Variants in TSHZ2 observed in about 807,000 individuals in gnomAD.
TSHZ2 encodes teashirt zinc finger homeobox 2.
In TSHZ2, 21 loss-of-function variants were observed where a neutral mutation model predicts 74.4. The ratio of observed to expected loss-of-function variants is 0.28; its 90% confidence interval spans 0.20 to 0.41. The LOEUF (loss-of-function observed/expected upper bound fraction) is 0.41, where lower values mean the gene tolerates loss of function less well. Ranked by LOEUF, TSHZ2 falls within the 10% of genes least tolerant of loss-of-function variation. TSHZ2 has a pLI of 1.00. For missense variants in TSHZ2, 1,244 were observed against 1,293.5 expected, an observed-to-expected ratio of 0.96 and a Z score of 0.59; for synonymous variants, 540 against 515.3, an observed-to-expected ratio of 1.05 and a Z score of -0.65.
chr20:53,241,429 A>G (rs759126046), intron 1 of TSHZ2, among the ~76,000 whole-genome samples: 3 of 152,192 alleles, frequency 2.0e-5, no homozygotes, highest in Non-Finnish European at 4.4e-5. Context: ...TAGTTTAGAA[A>G]TGCTAATCCC....
At chr20:53,064,516 C>G (rs545686433) in intron 1 of TSHZ2, among the ~76,000 whole-genome samples, 37 of 152,056 alleles carry the variant, frequency 2.4e-4, no homozygotes, top group Non-Finnish European at 5.0e-4. Context: ...AAGACACACA[C>G]ACACTACTTG....
intron 1 of TSHZ2, among the ~76,000 whole-genome samples, chr20:53,173,690 A>G (rs1600723937): frequency 6.6e-6 from 1 of 150,440 alleles, no homozygotes; most frequent in Non-Finnish European, 1.5e-5. Flanking sequence ...AACAGTCAAC[A>G]GTCTGAACAG....
chr20:53,196,320 G>C (rs2123559430), intron 1 of TSHZ2: 1 of 136,628 alleles, frequency 7.3e-6, no homozygotes, highest in Middle Eastern at 4.7e-3. Flanking sequence ...TGCAAATCTT[G>C]TTCAGGCCAA....
intron 2 of TSHZ2, among the ~76,000 whole-genome samples, chr20:53,437,150 T>C (rs1208484534): frequency 6.6e-6 from 1 of 152,146 alleles, no homozygotes; most frequent in African/African-American, 2.4e-5. Context: ...ATCACGTGTG[T>C]GTTAGGACTA....
At chr20:53,458,879 G>A (rs947675387) in intron 2 of TSHZ2, among the ~76,000 whole-genome samples, 8 of 152,168 alleles carry the variant, frequency 5.3e-5, no homozygotes, top group Admixed American at 2.6e-4. Context: ...GGTTTTGAGT[G>A]AGATTCTTAA....
At chr20:53,481,866 G>A (rs62206388) in intron 2 of TSHZ2, among the ~76,000 whole-genome samples, 18,905 of 152,122 alleles carry the variant, frequency 0.12, 1,582 homozygotes, top group Non-Finnish European at 0.19. Flanking sequence ...CACTTCAGGA[G>A]GCCGAGGTGG....
chr20:53,190,014 G>A (rs1450847373), intron 1 of TSHZ2, among the ~76,000 whole-genome samples: 1 of 141,276 alleles, frequency 7.1e-6, no homozygotes, highest in Admixed American at 7.4e-5. Flanking sequence ...AGCCAGGGCA[G>A]GTTGAGGTTG....
intron 2 of TSHZ2, among the ~76,000 whole-genome samples, chr20:53,305,093 G>A (rs1978472699): frequency 6.6e-6 from 1 of 150,716 alleles, no homozygotes; most frequent in African/African-American, 2.4e-5. Context: ...CCTCCACCAC[G>A]CCTGACTAAT....
chr20:53,266,130 A>G (rs1320173049), intron 2 of TSHZ2, among the ~76,000 whole-genome samples: 1 of 152,182 alleles, frequency 6.6e-6, no homozygotes, highest in African/African-American at 2.4e-5. Context: ...GGGAACACCA[A>G]GGAGAAACAT....
At chr20:53,321,683 C>CA (rs59907513) in intron 2 of TSHZ2, among the ~76,000 whole-genome samples, 31 of 58,298 alleles carry the variant, frequency 5.3e-4, no homozygotes, top group East Asian at 2.7e-3. Context: ...GACTCCATCT[C>CA]AAAAAAAAAA....
At chr20:53,089,812 A>G (rs1404059199) in intron 1 of TSHZ2, among the ~76,000 whole-genome samples, 3 of 152,222 alleles carry the variant, frequency 2.0e-5, no homozygotes, top group Non-Finnish European at 4.4e-5. Flanking sequence ...CCCAGACCCT[A>G]CTGAGGAAGG....
chr20:53,272,620 C>T (rs1990863111), intron 2 of TSHZ2, among the ~76,000 whole-genome samples: 1 of 152,156 alleles, frequency 6.6e-6, no homozygotes, highest in Non-Finnish European at 1.5e-5. Flanking sequence ...AGCACAGTCC[C>T]CAGCATCTAA....
At chr20:53,436,135 TG>T (rs1568916280) in intron 2 of TSHZ2, among the ~76,000 whole-genome samples, 10 of 152,030 alleles carry the variant, frequency 6.6e-5, no homozygotes, top group Admixed American at 6.5e-4. Flanking sequence ...ATGGCTGGGC[TG>T]TTTTTTGTGC....
intron 2 of TSHZ2, among the ~76,000 whole-genome samples, chr20:53,332,717 A>C (rs1040941214): frequency 2.0e-5 from 3 of 152,084 alleles, no homozygotes; most frequent in African/African-American, 7.2e-5. Context: ...TTGTGTACCA[A>C]CTTTTTCCTT....
Position 53,191,178 on chromosome 20 carries a change from C to A in TSHZ2, c.41-62321C>A, listed in dbSNP as rs141127679. 1.0e-3 allele frequency among the ~76,000 whole-genome samples: 152 copies of A among 152,132 alleles called. 1 individual carries two copies. Among genetic ancestry groups the A allele is most frequent in the African/African-American group, 3.6e-3 (148 of 41,498 alleles). On this transcript the variant is annotated intron_variant, in intron 1 of 2. Transcript: ENST00000371497. ...TGTGCATATATATATATGTACAAATCAAACATTATTACGTATTGTATTGTA... is the reference window on the plus strand; with the variant it reads ...TGTGCATATATATATATGTACAAATAAAACATTATTACGTATTGTATTGTA...
At chr20:53,302,881 C>A (rs537428810) in intron 2 of TSHZ2, among the ~76,000 whole-genome samples, 1 of 152,278 alleles carries the variant, frequency 6.6e-6, no homozygotes, top group East Asian at 1.9e-4. Context: ...AAAATAGCAG[C>A]AATGTAATCA....
intron 1 of TSHZ2, among the ~76,000 whole-genome samples, chr20:53,079,613 CA>C (rs1985469524): frequency 6.6e-6 from 1 of 152,200 alleles, no homozygotes; most frequent in Non-Finnish European, 1.5e-5. Context: ...CTATTTCAAA[CA>C]GCTGGATTAT....
chr20:53,121,423 G>A (rs1600700722), intron 1 of TSHZ2, among the ~76,000 whole-genome samples: 2 of 49,566 alleles, frequency 4.0e-5, no homozygotes, highest in Non-Finnish European at 7.5e-5. Flanking sequence ...ACTTTTCAGA[G>A]GATTATGTTT....
At chr20:53,001,236 G>GTGTGTGTGTGTA (rs1568713589) in intron 1 of TSHZ2, among the ~76,000 whole-genome samples, 6 of 108,252 alleles carry the variant, frequency 5.5e-5, no homozygotes, top group Non-Finnish European at 1.2e-4. Flanking sequence ...GTGTGTGTGT[G>GTGTGTGTGTGTA]TGTGTGTGTG....
Sources: gnomAD v4.1 joint callset for allele counts (sites outside exome capture counted in the v4.1 genomes callset) on GRCh38, gnomAD v4.1.1 for gene constraint, MANE v1.5 for transcripts, NCBI Gene and HGNC (gene_info 2026-07-23, HGNC 2026-07-21) for gene names.